CLSTN2: variants seen among roughly 807,000 people sequenced by gnomAD.
CLSTN2 encodes the protein calsyntenin 2.
Under a neutral mutation model 101.2 loss-of-function variants are expected in CLSTN2, and 48 were observed. The ratio of observed to expected loss-of-function variants is 0.47; its 90% confidence interval spans 0.38 to 0.60. The LOEUF (loss-of-function observed/expected upper bound fraction) is 0.60. Among genes scored for constraint, CLSTN2 ranks in the 20% least tolerant of loss-of-function variants. The pLI, the probability that CLSTN2 is intolerant of heterozygous loss-of-function variation, is 0.00. For missense variants in CLSTN2, 1,160 were observed against 1,238.2 expected (o/e 0.94, Z 0.95); for synonymous variants, 481 against 463.6 (o/e 1.04, Z -0.48).
chr3:140,560,110 G>A (rs9839670), intron 12 of CLSTN2, among the ~76,000 whole-genome samples: 92,463 of 152,094 alleles, frequency 0.61, 31,499 homozygotes, highest in Middle Eastern at 0.79. Flanking sequence ...TTCACATTTC[G>A]TCTTCTGTTT....
At chr3:140,407,614 A>G (rs2088317901) in intron 4 of CLSTN2, among the ~76,000 whole-genome samples, 1 of 152,182 alleles carries the variant, frequency 6.6e-6, no homozygotes, top group African/African-American at 2.4e-5. Context: ...TTAAATATTT[A>G]CCTGGATGAT....
At chr3:139,992,895 C>G (rs1253955707) in intron 1 of CLSTN2, among the ~76,000 whole-genome samples, 1 of 152,146 alleles carries the variant, frequency 6.6e-6, no homozygotes, top group African/African-American at 2.4e-5. Context: ...CCCTGGAGAC[C>G]AGACTACACT....
At chr3:140,428,957 C>A (rs1269261978) in intron 5 of CLSTN2, among the ~76,000 whole-genome samples, 1 of 152,128 alleles carries the variant, frequency 6.6e-6, no homozygotes, top group East Asian at 1.9e-4. Flanking sequence ...CCCGATTTAA[C>A]AAGTCTGGGG....
chr3:140,266,473 A>T (rs922394641), intron 2 of CLSTN2, among the ~76,000 whole-genome samples: 1 of 152,196 alleles, frequency 6.6e-6, no homozygotes, highest in African/African-American at 2.4e-5. Context: ...CTTCACAGCC[A>T]CATTATGTGA....
intron 1 of CLSTN2, among the ~76,000 whole-genome samples, chr3:139,993,185 C>A (rs1181568026): frequency 2.0e-5 from 3 of 152,036 alleles, no homozygotes; most frequent in Non-Finnish European, 4.4e-5. Context: ...TCCAGCCTGG[C>A]CTTTCCTCCT....
chr3:140,263,203 C>G (rs1304751120), intron 2 of CLSTN2, among the ~76,000 whole-genome samples: 1 of 151,918 alleles, frequency 6.6e-6, no homozygotes, highest in Non-Finnish European at 1.5e-5. Flanking sequence ...TGGTCAAGTA[C>G]TGACAAAACC....
At chr3:140,060,919 G>T (rs946015379) in intron 1 of CLSTN2, among the ~76,000 whole-genome samples, 3 of 152,178 alleles carry the variant, frequency 2.0e-5, no homozygotes, top group Non-Finnish European at 4.4e-5. Context: ...AGAGAAGGAT[G>T]AATTTCTGCC....
chr3:140,257,032 TAATCCCAGCACTTTG>T (rs1418710431), intron 2 of CLSTN2, among the ~76,000 whole-genome samples: 1 of 152,198 alleles, frequency 6.6e-6, no homozygotes, highest in Non-Finnish European at 1.5e-5. Flanking sequence ...CTCACGCTTG[TAATCCCAGCACTTTG>T]AATGGGCACT....
intron 4 of CLSTN2, among the ~76,000 whole-genome samples, chr3:140,414,375 G>A (rs2088402869): frequency 6.6e-6 from 1 of 152,048 alleles, no homozygotes; most frequent in African/African-American, 2.4e-5. Flanking sequence ...AAACATTGAT[G>A]AAAGAAAACG....
At chr3:140,412,240 C>A (rs1229585887) in intron 4 of CLSTN2, among the ~76,000 whole-genome samples, 1 of 152,170 alleles carries the variant, frequency 6.6e-6, no homozygotes, top group Admixed American at 6.5e-5. Flanking sequence ...GTCTTAAACT[C>A]CTGACCTCAG....
At chr3:140,265,793 T>A (rs1050842656) in intron 2 of CLSTN2, among the ~76,000 whole-genome samples, 1 of 152,132 alleles carries the variant, frequency 6.6e-6, no homozygotes, top group Non-Finnish European at 1.5e-5. Flanking sequence ...ATATTACATA[T>A]CAAAGGGACA....
At chr3:140,008,369 C>T (rs556871611) in intron 1 of CLSTN2, among the ~76,000 whole-genome samples, 1 of 152,338 alleles carries the variant, frequency 6.6e-6, no homozygotes, top group African/African-American at 2.4e-5. Context: ...AGGCTCAGGT[C>T]GCCTCTGCTC....
chr3:140,475,944 A>G (rs1241724298), intron 8 of CLSTN2, among the ~76,000 whole-genome samples: 1 of 152,244 alleles, frequency 6.6e-6, no homozygotes, highest in East Asian at 1.9e-4. Flanking sequence ...ATAAATGCTT[A>G]GTAAATCAAA....
chr3:140,309,277 A>G (rs2087142431), intron 2 of CLSTN2, among the ~76,000 whole-genome samples: 2 of 152,174 alleles, frequency 1.3e-5, no homozygotes, highest in African/African-American at 4.8e-5. Context: ...CAAGTAGGAC[A>G]TGTAGACAGA....
At chr3:140,261,921 T>C (rs1006849110) in intron 2 of CLSTN2, among the ~76,000 whole-genome samples, 4 of 152,210 alleles carry the variant, frequency 2.6e-5, no homozygotes, top group African/African-American at 4.8e-5. Flanking sequence ...CAAAATGTTT[T>C]TGGAGCTTGA....
chr3:140,304,594 C>T (rs112795739), intron 2 of CLSTN2, among the ~76,000 whole-genome samples: 12 of 152,340 alleles, frequency 7.9e-5, no homozygotes, highest in African/African-American at 2.4e-4. Context: ...CTTCCAAATA[C>T]CCTCATATTG....
At chr3:140,220,102 C>T (rs1192258274) in intron 2 of CLSTN2, among the ~76,000 whole-genome samples, 1 of 152,236 alleles carries the variant, frequency 6.6e-6, no homozygotes, top group Non-Finnish European at 1.5e-5. Flanking sequence ...TATACTGCCT[C>T]TACTGCTTTT....
intron 8 of CLSTN2, among the ~76,000 whole-genome samples, chr3:140,469,145 A>C (rs903481138): frequency 6.6e-6 from 1 of 152,204 alleles, no homozygotes; most frequent in South Asian, 2.1e-4. Flanking sequence ...GACCTCATTT[A>C]ACCTTAATTA....
intron 1 of CLSTN2, among the ~76,000 whole-genome samples, chr3:140,014,311 A>G (rs974405383): frequency 2.6e-5 from 4 of 151,880 alleles, no homozygotes; most frequent in African/African-American, 9.7e-5. Context: ...AGCAACCTCT[A>G]CCTCCCGGGT....
Sources: gnomAD v4.1 joint callset for allele counts (sites outside exome capture counted in the v4.1 genomes callset) on GRCh38, gnomAD v4.1.1 for gene constraint, MANE v1.5 for transcripts, NCBI Gene and HGNC (gene_info 2026-07-23, HGNC 2026-07-21) for gene names.